The following ZDHHC14 variants were observed in gnomAD, a reference collection of about 807,000 sequenced individuals.
ZDHHC14 encodes the protein zDHHC palmitoyltransferase 14.
Under a neutral mutation model 47.7 loss-of-function variants are expected in ZDHHC14, and 16 were observed. The ratio of observed to expected loss-of-function variants is 0.34; its 90% CI spans 0.23 to 0.51. The LOEUF (loss-of-function observed/expected upper bound fraction) is 0.51, where lower values mean the gene tolerates loss of function less well. ZDHHC14 is among the 20% of genes least tolerant of loss of function. The probability of loss-of-function intolerance (pLI) is 0.97; values close to 1 mark genes in which losing one functional copy is unlikely to be tolerated. For missense variants in ZDHHC14, 515 were observed against 662.5 expected (o/e 0.78, Z 2.44); for synonymous variants, 293 against 278.9 (o/e 1.05, Z -0.50).
intron 1 of ZDHHC14, among the ~76,000 whole-genome samples, chr6:157,490,243 A>G (rs1005225736): frequency 6.6e-6 from 1 of 152,226 alleles, no homozygotes; most frequent in African/African-American, 2.4e-5. Context: ...GTGTCTCTAA[A>G]CAGATATAAG....
chr6:157,595,032 G>C (rs775639919), intron 3 of ZDHHC14, among the ~76,000 whole-genome samples: 2 of 152,064 alleles, frequency 1.3e-5, no homozygotes, highest in African/African-American at 4.8e-5. Flanking sequence ...CTATATTTTG[G>C]TAGGTAGGGT....
At position 157,639,121 on chromosome 6, in the gene ZDHHC14, C is replaced by T. The variant is rs1036351769; in HGVS notation, c.752+6239C>T. 2.0e-5 allele frequency among the ~76,000 whole-genome samples: 3 copies of T among 152,242 alleles called. No individual in the cohort carries two copies. In the East Asian group the frequency reaches 5.8e-4, roughly 29 times the overall value. On this transcript the variant is annotated intron_variant, in intron 5 of 8. Coordinates refer to ENST00000359775, the MANE Select transcript of ZDHHC14 (RefSeq NM_024630.3). ...TGCATCGTGTGAGCACACAGGTGCA[C>T]TTACACACCCAAGTGTGCGACAGAA...
At chr6:157,572,587 G>A (rs142073513) in intron 2 of ZDHHC14, among the ~76,000 whole-genome samples, 489 of 151,072 alleles carry the variant, frequency 3.2e-3, no homozygotes, top group African/African-American at 0.011. Context: ...TTGGTGTGCC[G>A]CACCCATTAA....
chr6:157,610,126 G>A (rs1374054167), intron 3 of ZDHHC14, among the ~76,000 whole-genome samples: 2 of 152,024 alleles, frequency 1.3e-5, no homozygotes, highest in African/African-American at 4.8e-5. Flanking sequence ...GAACTGGGCA[G>A]ATCCCACCCA....
intron 1 of ZDHHC14, among the ~76,000 whole-genome samples, chr6:157,467,254 T>C (rs1440015687): frequency 6.6e-6 from 1 of 152,122 alleles, no homozygotes; most frequent in East Asian, 1.9e-4. Context: ...CTATCACTCT[T>C]CTCTAGTTTT....
At chr6:157,622,719 C>T (rs776899663) in intron 3 of ZDHHC14, among the ~76,000 whole-genome samples, 3 of 152,108 alleles carry the variant, frequency 2.0e-5, no homozygotes, top group East Asian at 1.9e-4. Flanking sequence ...CTTCTCAGAA[C>T]GTATGCAGAA....
At chr6:157,545,900 T>G (rs898060621) in intron 2 of ZDHHC14, among the ~76,000 whole-genome samples, 1 of 152,210 alleles carries the variant, frequency 6.6e-6, no homozygotes, top group Non-Finnish European at 1.5e-5. Flanking sequence ...GGCATGGATC[T>G]TTTGAGGTTC....
chr6:157,508,403 G>A (rs1780382255), intron 1 of ZDHHC14, among the ~76,000 whole-genome samples: 1 of 152,122 alleles, frequency 6.6e-6, no homozygotes, highest in South Asian at 2.1e-4. Flanking sequence ...GTCTTACTCT[G>A]TTGCCCAGGT....
rs1390331555 is a variant in ZDHHC14 at position 157,534,598 on chromosome 6, C to CATTTCATTTT, written c.246-7985_246-7984insTTCATTTTAT. Among the ~76,000 whole-genome samples the CATTTCATTTT allele has an allele frequency of 3.3e-5, 4 of 121,166 alleles. No individual in the cohort carries two copies. In the East Asian group the frequency reaches 9.0e-4, roughly 27 times the overall value. 79.5% of individuals were successfully genotyped at this position (121,166 alleles called of 152,430 possible). Reference sequence around the variant, plus strand: ...CATTTCATTTCATTTCATTTCATTTCATGTTTTTGAGACAGGGTCTGGCTC... The same window carrying CATTTCATTTT: ...CATTTCATTTCATTTCATTTCATTTCATTTCATTTTATGTTTTTGAGACAGGGTCTGGCTC... On this transcript the variant is annotated intron_variant, in intron 1 of 8. Coordinates refer to ENST00000359775, the MANE Select transcript of ZDHHC14 (RefSeq NM_024630.3).
At chr6:157,622,064 C>T (rs1306886384) in intron 3 of ZDHHC14, among the ~76,000 whole-genome samples, 1 of 152,004 alleles carries the variant, frequency 6.6e-6, no homozygotes, top group Non-Finnish European at 1.5e-5. Flanking sequence ...TGGTAGCTTT[C>T]CTTAATCCTT....
chr6:157,479,935 T>C (rs1779582508), intron 1 of ZDHHC14, among the ~76,000 whole-genome samples: 6 of 152,140 alleles, frequency 3.9e-5, no homozygotes. Flanking sequence ...CCTTGCTGGG[T>C]TAGACTCTCC....
intron 8 of ZDHHC14, among the ~76,000 whole-genome samples, chr6:157,658,988 T>C (rs150079257): frequency 0.019 from 2,958 of 152,374 alleles, 48 homozygotes; most frequent in Non-Finnish European, 0.03. Flanking sequence ...ACTCTACTTA[T>C]TATAGGTCTA....
At chr6:157,612,878 A>C (rs573006082) in intron 3 of ZDHHC14, among the ~76,000 whole-genome samples, 1 of 151,472 alleles carries the variant, frequency 6.6e-6, no homozygotes, top group Non-Finnish European at 1.5e-5. Context: ...TTTTGGCCCT[A>C]TGATGAGGTT....
At chr6:157,492,210 C>CCCCG (rs372015150) in intron 1 of ZDHHC14, among the ~76,000 whole-genome samples, 2 of 146,110 alleles carry the variant, frequency 1.4e-5, no homozygotes, top group African/African-American at 5.1e-5. Context: ...GCCCCCGCCC[C>CCCCG]CCAGCCACTG....
intron 3 of ZDHHC14, among the ~76,000 whole-genome samples, chr6:157,595,277 C>T (rs1281345853): frequency 2.0e-5 from 3 of 147,318 alleles, no homozygotes; most frequent in Non-Finnish European, 4.5e-5. Flanking sequence ...ATTGCAACCT[C>T]CACCTCCCGG....
chr6:157,479,154 A>T (rs999059430), intron 1 of ZDHHC14, among the ~76,000 whole-genome samples: 2 of 152,328 alleles, frequency 1.3e-5, no homozygotes. Flanking sequence ...CACCTCAGCC[A>T]CTAACCAGCT....
chr6:157,387,591 A>G (rs1291058465), intron 1 of ZDHHC14, among the ~76,000 whole-genome samples: 1 of 152,236 alleles, frequency 6.6e-6, no homozygotes, highest in Non-Finnish European at 1.5e-5. Context: ...GCCTAGGAAC[A>G]TAGTACATGG....
At chr6:157,540,906 G>GTATATATATA (rs1470065372) in intron 1 of ZDHHC14, among the ~76,000 whole-genome samples, 4 of 127,094 alleles carry the variant, frequency 3.1e-5, no homozygotes, top group Admixed American at 1.4e-4. Context: ...GTGTGTGTGT[G>GTATATATATA]TGTGTATATA....
intron 1 of ZDHHC14, among the ~76,000 whole-genome samples, chr6:157,455,662 C>T (rs1778895649): frequency 6.6e-6 from 1 of 152,186 alleles, no homozygotes; most frequent in South Asian, 2.1e-4. Flanking sequence ...TGGCACACCC[C>T]TCGCTCCTCC....
Sources: gnomAD v4.1 joint callset for allele counts (sites outside exome capture counted in the v4.1 genomes callset) on GRCh38, gnomAD v4.1.1 for gene constraint, MANE v1.5 for transcripts, NCBI Gene and HGNC (gene_info 2026-07-23, HGNC 2026-07-21) for gene names.